The following NAALADL2 variants were observed in gnomAD, a reference collection of about 807,000 sequenced individuals.
The protein encoded by NAALADL2 is N-acetylated alpha-linked acidic dipeptidase like 2, also known as inactive N-acetylated-alpha-linked acidic dipeptidase-like protein 2.
In NAALADL2, 76 loss-of-function variants were observed where a neutral mutation model predicts 87.2. The observed-to-expected ratio is 0.87, with a 90% CI of 0.72 to 1.05. NAALADL2 has a LOEUF of 1.05. Among genes scored for constraint, NAALADL2 ranks in the 50% least tolerant of loss-of-function variants. The pLI, the probability that NAALADL2 is intolerant of heterozygous loss-of-function variation, is 0.00. For missense variants in NAALADL2, 1,089 were observed against 945.8 expected (o/e 1.15, Z -1.99); for synonymous variants, 354 against 331.0 (o/e 1.07, Z -0.75).
chr3:175,393,664 A>C lies in NAALADL2; in HGVS notation c.1091-53565A>C, dbSNP rs980384727. Among the ~76,000 whole-genome samples the C allele has an allele frequency of 3.5e-4, 54 of 152,146 alleles. 2 individuals carry two copies. Among genetic ancestry groups the C allele is most frequent in the Non-Finnish European group, 1.5e-5 (1 of 68,034 alleles). ...TATTTGAGAGTAAATTATCTCAATAACCTGAGGATAAATCAGAGACATCAG... is the reference window on the plus strand; with the variant it reads ...TATTTGAGAGTAAATTATCTCAATACCCTGAGGATAAATCAGAGACATCAG... On this transcript the variant is annotated intron_variant, in intron 5 of 13. Transcript: ENST00000454872.
At position 175,324,244 on chromosome 3, in the gene NAALADL2, A is replaced by G; in HGVS notation, c.1009A>G (p.Thr337Ala). The G allele has an allele frequency of 1.9e-6, 3 of 1,613,624 alleles. No homozygotes were observed. The highest frequency in any genetic ancestry group is 2.5e-6 in the Non-Finnish European group (3 of 1,179,702). ...TATCGATCCTTGTGATTTGCCAAAG[A>G]CTGTGAATCCTAGCCATGATACCTT... is the stretch of plus-strand genomic sequence containing the variant. The part of the protein sequence containing the change: ...LYIDPCDLPK[T>A]VNPSHDTFMV... Residue 337 changes from threonine (T) to alanine (A), a missense_variant, in exon 5 of 14, where the codon ACT becomes GCT. Physicochemically the swap from Thr to Ala is moderately conservative, Grantham distance 58. Coordinates refer to ENST00000454872, the MANE Select transcript of NAALADL2 (RefSeq NM_207015.3).
rs1224441285 is a variant in NAALADL2, at chr3:174,519,315, A to T, written c.-183-31254A>T. Among the ~76,000 whole-genome samples, 423 of 148,692 alleles carry T rather than the reference A, an allele frequency of 2.8e-3. 5 individuals are homozygous for T. The highest frequency in any genetic ancestry group is 0.011 in the African/African-American group (412 of 38,378). Reference sequence around the variant, plus strand: ...CAAAGTTTTTGAAACAAGTGAATGAATGAAGATTTCCTTTTTTTTTTTTTT... The same window carrying T: ...CAAAGTTTTTGAAACAAGTGAATGATTGAAGATTTCCTTTTTTTTTTTTTT... On this transcript the variant is annotated intron_variant, in intron 1 of 3. Transcript: ENST00000434257.
intron 5 of NAALADL2, among the ~76,000 whole-genome samples, chr3:175,437,175 A>G (rs185422839): frequency 6.6e-6 from 1 of 151,884 alleles, no homozygotes; most frequent in East Asian, 1.9e-4. Context: ...ATGTGGCGTT[A>G]TTTCTGAGTG....
At chr3:175,171,824 T>C (rs1482966695) in intron 2 of NAALADL2, among the ~76,000 whole-genome samples, 2 of 152,118 alleles carry the variant, frequency 1.3e-5, no homozygotes, top group Non-Finnish European at 2.9e-5. Flanking sequence ...AAATTTCCCA[T>C]GTTCTTACTC....
At chr3:174,567,405 T>C (rs558113007) in intron 2 of NAALADL2, among the ~76,000 whole-genome samples, 11 of 151,600 alleles carry the variant, frequency 7.3e-5, no homozygotes, top group African/African-American at 1.4e-4. Flanking sequence ...ATTTTTTCAA[T>C]ATAATTTTTT....
intron 9 of NAALADL2, among the ~76,000 whole-genome samples, chr3:175,473,625 T>A (rs1451675573): frequency 6.6e-6 from 1 of 151,754 alleles, no homozygotes; most frequent in East Asian, 1.9e-4. Context: ...TATATATTTT[T>A]AAAACTCAAA....
At chr3:174,955,751 A>G (rs1219433488) in intron 1 of NAALADL2, among the ~76,000 whole-genome samples, 3 of 152,094 alleles carry the variant, frequency 2.0e-5, no homozygotes, top group Non-Finnish European at 4.4e-5. Context: ...AACTTTAGTG[A>G]AGATTAGAAT....
At chr3:174,954,537 T>C (rs1740882320) in intron 1 of NAALADL2, among the ~76,000 whole-genome samples, 1 of 151,984 alleles carries the variant, frequency 6.6e-6, no homozygotes, top group Admixed American at 6.6e-5. Flanking sequence ...TGCTAACACT[T>C]TGGCCAAAGT....
At chr3:175,769,317 C>G (rs1372244897) in intron 13 of NAALADL2, among the ~76,000 whole-genome samples, 1 of 152,074 alleles carries the variant, frequency 6.6e-6, no homozygotes, top group African/African-American at 2.4e-5. Flanking sequence ...AATAAGCAGA[C>G]AAAAGACCAA....
chr3:174,735,765 G>A (rs150609430), intron 2 of NAALADL2, among the ~76,000 whole-genome samples: 8 of 152,222 alleles, frequency 5.3e-5, no homozygotes, highest in African/African-American at 1.2e-4. Flanking sequence ...GGGTCCCACT[G>A]TTCCAGGATC....
intron 5 of NAALADL2, among the ~76,000 whole-genome samples, chr3:175,348,795 C>T (rs762440711): frequency 1.3e-5 from 2 of 152,190 alleles, no homozygotes; most frequent in Non-Finnish European, 2.9e-5. Flanking sequence ...GGGCCACATT[C>T]ACAGGTTACT....
chr3:174,736,126 G>A (rs1314764747), intron 2 of NAALADL2, among the ~76,000 whole-genome samples: 4 of 152,098 alleles, frequency 2.6e-5, no homozygotes, highest in Non-Finnish European at 5.9e-5. Context: ...GAGATACCAG[G>A]AACCTCAGAG....
chr3:174,597,511 A>G (rs1189736606), intron 2 of NAALADL2, among the ~76,000 whole-genome samples: 1 of 152,180 alleles, frequency 6.6e-6, no homozygotes, highest in Non-Finnish European at 1.5e-5. Flanking sequence ...TTTTGTAAGG[A>G]TAGCAATCTC....
At position 174,633,840 on chromosome 3, in the gene NAALADL2, C is replaced by T. The variant is rs138346942; in HGVS notation, c.-115+83203C>T. Among the ~76,000 whole-genome samples, 570 of 152,266 alleles carry T rather than the reference C, an allele frequency of 3.7e-3. 4 individuals carry two copies. The highest frequency in any genetic ancestry group is 0.013 in the African/African-American group (543 of 41,554). ...AAATGAAGAGTCTTGCCAAGTGCAG[C>T]TTTTCCATAGGGGAGTTAGTAGGGT... On this transcript the variant is annotated intron_variant, in intron 2 of 3. Coordinates refer to the NAALADL2 transcript ENST00000434257.
intron 1 of NAALADL2, among the ~76,000 whole-genome samples, chr3:174,987,581 A>C (rs1450754119): frequency 2.5e-5 from 3 of 119,990 alleles, no homozygotes; most frequent in East Asian, 2.8e-4. Context: ...AAAAAAAAAA[A>C]AAAAAAAAAA....
chr3:175,260,160 T>G (rs1441180429), intron 4 of NAALADL2, among the ~76,000 whole-genome samples: 1 of 152,214 alleles, frequency 6.6e-6, no homozygotes, highest in Non-Finnish European at 1.5e-5. Context: ...TTGACTATAT[T>G]TACAAAGTAG....
intron 2 of NAALADL2, among the ~76,000 whole-genome samples, chr3:175,160,616 T>C (rs1376713260): frequency 6.6e-6 from 1 of 151,930 alleles, no homozygotes; most frequent in Non-Finnish European, 1.5e-5. Flanking sequence ...CCTCCCAAAG[T>C]GCTGGGATTA....
intron 10 of NAALADL2, among the ~76,000 whole-genome samples, chr3:175,592,278 A>G (rs986955813): frequency 2.1e-5 from 3 of 145,086 alleles, no homozygotes; most frequent in African/African-American, 7.7e-5. Context: ...TGTTCCTCAC[A>G]CCCTAGTCTA....
chr3:174,870,446 T>C (rs1032435225), intron 1 of NAALADL2, among the ~76,000 whole-genome samples: 4 of 152,168 alleles, frequency 2.6e-5, no homozygotes, highest in African/African-American at 9.7e-5. Context: ...GAGGACCTAC[T>C]TTCATTTGAC....
Sources: gnomAD v4.1 joint callset for allele counts (sites outside exome capture counted in the v4.1 genomes callset) on GRCh38, gnomAD v4.1.1 for gene constraint, MANE v1.5 for transcripts, NCBI Gene and HGNC (gene_info 2026-07-23, HGNC 2026-07-21) for gene names.